CHD6: variants seen among roughly 807,000 people sequenced by gnomAD.
CHD6 encodes the protein ATP-dependent chromatin remodeler CHD6.
A neutral mutation model predicts 276.9 loss-of-function variants in CHD6; 50 were observed. The ratio of observed to expected loss-of-function variants is 0.18; its 90% CI spans 0.14 to 0.23. CHD6 has a LOEUF of 0.23. Among genes scored for constraint, CHD6 ranks in the 10% least tolerant of loss-of-function variants. The pLI, the probability that CHD6 is intolerant of heterozygous loss-of-function variation, is 1.00. For synonymous variants in CHD6, 1,173 were observed against 1,229.3 expected (o/e 0.95, Z 0.96); for missense variants, 2,564 against 3,365.8 (o/e 0.76, Z 5.89).
In CHD6 at chr20:41,404,798, A is replaced by C; in HGVS notation, c.7943T>G (p.Val2648Gly). 1.2e-6 allele frequency: 2 copies of C among 1,612,900 alleles called. No individual in the cohort carries two copies. The highest frequency in any genetic ancestry group is 2.2e-5 in the South Asian group (2 of 90,956). ...AMQQARHSEI[V>G]GLESQKRKKK... Reference sequence around the variant, plus strand: ...CTTCCTCTTCTGGCTCTCCAGACCTACTATTTCCGAGTGTCTGGCCTGCTG... The same window carrying C: ...CTTCCTCTTCTGGCTCTCCAGACCTCCTATTTCCGAGTGTCTGGCCTGCTG... The change falls in exon 37 of 37, where the codon GTA becomes GGA. Residue 2648 changes from valine to glycine, a missense_variant. By Grantham distance (109) the Val-to-Gly change is moderately radical. Around this residue, in one of 7 missense-constraint regions of CHD6, gnomAD observed 238 missense variants for 266.0 expected, o/e 0.89. Transcript: ENST00000373233.
In CHD6 at chr20:41,423,527, C is replaced by T. The variant is rs750607374; in HGVS notation, c.4520G>A (p.Arg1507Gln). The T allele has an allele frequency of 3.3e-5, 53 of 1,614,068 alleles. No homozygotes were observed. The highest frequency in any genetic ancestry group is 1.6e-4 in the Middle Eastern group (1 of 6,084). ...QYFYSFVAMCRNVCRLPTWKD... is the reference protein window; with the variant it reads ...QYFYSFVAMCQNVCRLPTWKD... ...CCATGTGGGTAGACGACAGACATTC[C>T]GGCACATGGCCACAAAACTATAAAA... Residue 1507 changes from arginine (R) to glutamine (Q), a missense_variant, in exon 30 of 37, where the codon CGG becomes CAG. Arg to Gln is a conservative substitution (Grantham distance 43). This residue lies in a region of CHD6 where 515 missense variants were observed against 739.5 expected (regional missense o/e 0.70). Transcript: ENST00000373233.
At chr20:41,536,209 C>T (rs1309565419) in intron 2 of CHD6, among the ~76,000 whole-genome samples, 1 of 152,098 alleles carries the variant, frequency 6.6e-6, no homozygotes, top group Non-Finnish European at 1.5e-5. Context: ...AGATGATGGG[C>T]CACAAGGTGC....
At position 41,413,662 on chromosome 20, in the gene CHD6, C is replaced by T. The variant is rs994281704; in HGVS notation, c.6940-147G>A. On this transcript the variant is annotated intron_variant, in intron 34 of 36. Coordinates refer to ENST00000373233, the MANE Select transcript of CHD6 (RefSeq NM_032221.5). Reference sequence around the variant, plus strand: ...CTGGGGTGCCTGAATTAGAACCCTACACACACCACTGACCCACGCCCACAT... The same window carrying T: ...CTGGGGTGCCTGAATTAGAACCCTATACACACCACTGACCCACGCCCACAT... 96 of 640,876 alleles carry T rather than the reference C, an allele frequency of 1.5e-4. 1 individual carries two copies. The highest frequency in any genetic ancestry group is 8.6e-4 in the Middle Eastern group (2 of 2,330). The allele number at this position is 640,876 out of a possible 1,614,324, so 39.7% of individuals were successfully genotyped here.
intron 1 of CHD6, among the ~76,000 whole-genome samples, chr20:41,571,596 G>A (rs2045418301): frequency 6.6e-6 from 1 of 151,530 alleles, no homozygotes; most frequent in South Asian, 2.1e-4. Flanking sequence ...CATCATGTTG[G>A]CCAGGCTGGT....
intron 2 of CHD6, among the ~76,000 whole-genome samples, chr20:41,544,661 T>A (rs1299522516): frequency 6.7e-6 from 1 of 150,342 alleles, no homozygotes. Context: ...TATAAATATT[T>A]TAATGTTAAT....
chr20:41,412,305 C>T (rs1318103426), intron 35 of CHD6, 42 bp from the exon 36 acceptor site: 8 of 1,608,794 alleles, frequency 5.0e-6, no homozygotes, highest in Non-Finnish European at 6.8e-6. Flanking sequence ...ACATGCTATC[C>T]CAGATTCTTC....
intron 1 of CHD6, among the ~76,000 whole-genome samples, chr20:41,588,869 T>C (rs537176725): frequency 6.6e-6 from 1 of 152,172 alleles, no homozygotes; most frequent in South Asian, 2.1e-4. Flanking sequence ...AATCAAAAGG[T>C]GATTGGGGGG....
chr20:41,590,737 T>C (rs1184867610), intron 1 of CHD6, among the ~76,000 whole-genome samples: 9 of 151,984 alleles, frequency 5.9e-5, no homozygotes, highest in African/African-American at 1.5e-4. Context: ...TGTGGAGAAA[T>C]AGGAACACTT....
At chr20:41,432,792 T>A (rs2047586126) in intron 27 of CHD6, among the ~76,000 whole-genome samples, 1 of 151,982 alleles carries the variant, frequency 6.6e-6, no homozygotes, top group Non-Finnish European at 1.5e-5. Context: ...TGATCTGACA[T>A]AAGAATTTAA....
At chr20:41,578,329 C>A (rs1363426750) in intron 1 of CHD6, among the ~76,000 whole-genome samples, 1 of 152,134 alleles carries the variant, frequency 6.6e-6, no homozygotes, top group Admixed American at 6.5e-5. Context: ...ACAATGATAC[C>A]TCTTTTACAA....
At chr20:41,601,831 C>T (rs773603799) in intron 1 of CHD6, among the ~76,000 whole-genome samples, 16 of 152,304 alleles carry the variant, frequency 1.1e-4, no homozygotes, top group South Asian at 2.1e-4. Context: ...TAAATGTTTG[C>T]TCCAATTATT....
At position 41,404,607 on chromosome 20, in the gene CHD6, T is replaced by C. The variant is rs1314367214; in HGVS notation, c.8134A>G (p.Asn2712Asp). ...AGEGALKDSN[N>D]DTN ...TGAAAAAAGTTCTAATTGGTGTCGT[T>C]GTTGGAGTCTTTGAGTGCCCCCTCC... Residue 2712 changes from asparagine to aspartate, a missense_variant, in exon 37 of 37, where the codon AAC (asparagine) becomes GAC (aspartate). Asn to Asp is a conservative substitution (Grantham distance 23). Around this residue, in one of 7 missense-constraint regions of CHD6, gnomAD observed 238 missense variants for 266.0 expected, o/e 0.89. Transcript: ENST00000373233. 1.3e-6 allele frequency: 2 copies of C among 1,489,736 alleles called. No homozygotes were observed. The highest frequency in any genetic ancestry group is 1.8e-6 in the Non-Finnish European group (2 of 1,118,394). The allele number at this position is 1,489,736 out of a possible 1,614,324, so 92.3% of individuals were successfully genotyped here. A position where few individuals can be genotyped will look rare whatever the true frequency, so the allele number is the denominator to read the frequency against.
In CHD6 at chr20:41,522,611, G is replaced by GT. The variant is rs374598899; in HGVS notation, c.555-7660dup. 7.2e-4 allele frequency among the ~76,000 whole-genome samples: 110 copies of GT among 152,174 alleles called. 1 individual carries two copies. Among genetic ancestry groups the GT allele is most frequent in the African/African-American group, 2.5e-3 (102 of 41,534 alleles). ...TTAGGGACAAAAAGGCCTGACATAC[G>GT]TAACTTGTTTGCAACTGGTTCAGGA... On this transcript the variant is annotated intron_variant, in intron 3 of 36. Transcript: ENST00000373233.
intron 23 of CHD6, 24 bp downstream of exon 23, chr20:41,450,922 G>T (rs1200435639): frequency 5.6e-6 from 9 of 1,599,982 alleles, no homozygotes; most frequent in Non-Finnish European, 5.1e-6. Context: ...CTGCCACCAG[G>T]GTATGGGGAG....
intron 1 of CHD6, among the ~76,000 whole-genome samples, chr20:41,574,732 G>C (rs897619235): frequency 1.3e-5 from 2 of 152,138 alleles, no homozygotes; most frequent in Admixed American, 1.3e-4. Flanking sequence ...GTTTTATCTT[G>C]TAAGCCCTTA....
rs576686307 is a variant in CHD6, at chr20:41,480,959, A to C, written c.2468+2350T>G. Among the ~76,000 whole-genome samples, 3 of 152,232 alleles carry C rather than the reference A, an allele frequency of 2.0e-5. No individual in the cohort carries two copies. The South Asian group carries it at 6.2e-4, about 32-fold the overall frequency. On this transcript the variant is annotated intron_variant, in intron 16 of 36. Transcript: ENST00000373233. ...TTGGGTGAAGAAGCCATAAACATGA[A>C]AAGAAGAGCTGGGTATGGTGATCTA...
At position 41,403,321 on chromosome 20, in the gene CHD6, A is replaced by T. The variant is rs2046581611; in HGVS notation, c.*1272T>A. The T allele has an allele frequency of 4.7e-6, 5 of 1,063,554 alleles. No individual in the cohort carries two copies. The South Asian group carries it at 2.3e-4, about 48-fold the overall frequency. 65.9% of individuals were successfully genotyped at this position (1,063,554 alleles called of 1,614,324 possible). A position where few individuals can be genotyped will look rare whatever the true frequency, so the allele number is the denominator to read the frequency against. Reference sequence around the variant, plus strand: ...GTCTCAGAGTGTGAACTACCTGTGAAGAGTGAGACCATCAGAAGGGACGTT... The same window carrying T: ...GTCTCAGAGTGTGAACTACCTGTGATGAGTGAGACCATCAGAAGGGACGTT... On this transcript the variant is annotated 3_prime_UTR_variant, in exon 37 of 37. Transcript: ENST00000373233.
rs1283325629 is a variant in CHD6 at position 41,403,926 on chromosome 20, T to A, written c.*667A>T. On this transcript the variant is annotated 3_prime_UTR_variant, in exon 37 of 37. Transcript: ENST00000373233. ...GGTGAGAGGGATGTATAGAAAATAA[T>A]GCCTAGTCAGTCAGTATTTCTTCTT... The A allele has an allele frequency of 9.5e-7, 1 of 1,054,574 alleles. No individual in the cohort carries two copies. Among genetic ancestry groups the A allele is most frequent in the Non-Finnish European group, 1.1e-6 (1 of 872,570 alleles). The allele number at this position is 1,054,574 out of a possible 1,614,324, so 65.3% of individuals were successfully genotyped here. A position where few individuals can be genotyped will look rare whatever the true frequency, so the allele number is the denominator to read the frequency against.
chr20:41,609,859 T>C (rs1382339373), intron 1 of CHD6, among the ~76,000 whole-genome samples: 2 of 132,166 alleles, frequency 1.5e-5, no homozygotes, highest in African/African-American at 3.7e-5. Context: ...TTTTTTCTTT[T>C]TTTTTTTTTT....
Sources: allele counts gnomAD v4.1 joint callset (sites outside exome capture counted in the v4.1 genomes callset), GRCh38; gene constraint gnomAD v4.1.1; regional missense constraint gnomAD v4.1.1; transcripts MANE v1.5; gene names NCBI Gene and HGNC (gene_info 2026-07-23, HGNC 2026-07-21).